The following AGO1 variants were observed in gnomAD, a reference collection of about 807,000 sequenced individuals.
AGO1 encodes argonaute RISC component 1.
Under a neutral mutation model 109.2 loss-of-function variants are expected in AGO1, and 11 were observed. The observed-to-expected ratio is 0.10, with a 90% CI of 0.06 to 0.17. The LOEUF (loss-of-function observed/expected upper bound fraction) is 0.17, where lower values mean the gene tolerates loss of function less well. AGO1 is among the 10% of genes least tolerant of loss of function. The probability of loss-of-function intolerance (pLI) is 1.00; values close to 1 mark genes in which losing one functional copy is unlikely to be tolerated. For missense variants in AGO1, 574 were observed against 1,140.3 expected (o/e 0.50, Z 7.15); for synonymous variants, 422 against 418.6 (o/e 1.01, Z -0.10).
At position 35,888,200 on chromosome 1, in the gene AGO1, G is replaced by A. The variant is rs1002461077; in HGVS notation, c.26-227G>A. Among the ~76,000 whole-genome samples the A allele has an allele frequency of 6.6e-6, 1 of 152,160 alleles. No homozygotes were observed. The highest frequency in any genetic ancestry group is 1.5e-5 in the Non-Finnish European group (1 of 68,032). On this transcript the variant is annotated intron_variant, in intron 1 of 18. Coordinates refer to ENST00000373204, the MANE Select transcript of AGO1 (RefSeq NM_012199.5). The surrounding 1 kb of genome is among the most constrained non-coding windows in gnomAD (Gnocchi z 4.1). The stretch of plus-strand genomic sequence containing the variant: ...ATATTAACTTAATGAATTAAAAATA[G>A]ACAATAAGGATAATTTTCCTAACTG...
chr1:35,887,525 G>C (rs182954499), intron 1 of AGO1, among the ~76,000 whole-genome samples: 5 of 152,142 alleles, frequency 3.3e-5, no homozygotes, highest in Non-Finnish European at 1.5e-5. Flanking sequence ...TTCTGCTGCT[G>C]TCTGGACCTT....
At chr1:35,889,755 CT>C (rs1645184049) in intron 2 of AGO1, among the ~76,000 whole-genome samples, 1 of 152,118 alleles carries the variant, frequency 6.6e-6, no homozygotes, top group South Asian at 2.1e-4. Context: ...CACCCTCTGC[CT>C]CCTAGGTTCA....
chr1:35,898,237 T>C (rs1645352910), intron 8 of AGO1, among the ~76,000 whole-genome samples: 1 of 152,112 alleles, frequency 6.6e-6, no homozygotes, highest in African/African-American at 2.4e-5. Context: ...AAGAGTGATA[T>C]AATATATAAC....
rs1291927465 is a variant in AGO1 at position 35,929,627 on chromosome 1, C to T, written c.*10020C>T. 6.6e-6 allele frequency: 1 copy of T among 152,140 alleles called. No individual in the cohort carries two copies. Among genetic ancestry groups the T allele is most frequent in the East Asian group, 1.9e-4 (1 of 5,204 alleles). The allele number at this position is 152,140 out of a possible 1,614,324, so 9.4% of individuals were successfully genotyped here. On this transcript the variant is annotated 3_prime_UTR_variant, in exon 19 of 19. Transcript: ENST00000373204. ...TAAGATGCAGTGTTTCATCTGGTGA[C>T]ATTTAATTTGATATTTTAAAATTGG... is the stretch of plus-strand genomic sequence containing the variant.
At chr1:35,907,655 TAA>T (rs879669735) in intron 12 of AGO1, among the ~76,000 whole-genome samples, 9 of 152,182 alleles carry the variant, frequency 5.9e-5, no homozygotes, top group Non-Finnish European at 1.0e-4. Flanking sequence ...TTCAAAGCAA[TAA>T]GAGTTTTTCT....
chr1:35,887,173 A>G (rs936272825), intron 1 of AGO1, among the ~76,000 whole-genome samples: 16 of 152,120 alleles, frequency 1.1e-4, no homozygotes, highest in African/African-American at 3.9e-4. Flanking sequence ...AGGGAAACAG[A>G]GCAGCTTAGC....
At position 35,925,526 on chromosome 1, in the gene AGO1, T is replaced by A. The variant is rs1645910251; in HGVS notation, c.*5919T>A. On this transcript the variant is annotated 3_prime_UTR_variant, in exon 19 of 19. Transcript: ENST00000373204. ...CCTAGGAGCAGAAGCTATATTCTCT[T>A]CATTTTTGTCATCTCAGGGTCATGG... The A allele has an allele frequency of 6.6e-6, 1 of 151,162 alleles. No individual in the cohort carries two copies. The highest frequency in any genetic ancestry group is 2.4e-5 in the African/African-American group (1 of 41,036). The allele number at this position is 151,162 out of a possible 1,614,324, so 9.4% of individuals were successfully genotyped here. A position where few individuals can be genotyped will look rare whatever the true frequency, so the allele number is the denominator to read the frequency against.
rs1354127015 is a variant in AGO1, at chr1:35,921,524, A to T, written c.*1917A>T. ...TCTATCCTGATCTGGTGATGAAGCCATGATTACTTTAGACCTAGCCCAGGC... is the reference window on the plus strand; with the variant it reads ...TCTATCCTGATCTGGTGATGAAGCCTTGATTACTTTAGACCTAGCCCAGGC... On this transcript the variant is annotated 3_prime_UTR_variant, in exon 19 of 19. Transcript: ENST00000373204. 1.3e-5 allele frequency: 2 copies of T among 152,644 alleles called. No homozygotes were observed. Among genetic ancestry groups the T allele is most frequent in the African/African-American group, 2.4e-5 (1 of 41,432 alleles). The allele number at this position is 152,644 out of a possible 1,614,324, so 9.5% of individuals were successfully genotyped here.
At chr1:35,911,079 A>T (rs1645624559) in intron 12 of AGO1, among the ~76,000 whole-genome samples, 1 of 152,048 alleles carries the variant, frequency 6.6e-6, no homozygotes, top group South Asian at 2.1e-4. Flanking sequence ...AGAAAAAAAA[A>T]ATAATAATAA....
In AGO1 at chr1:35,871,006, A is replaced by G. The variant is rs981533441; in HGVS notation, c.-201+1103A>G. ...ATGGATGGATTTAGTGTAGTTTTCA[A>G]TATTTTGCTATTACAAACAGTGCTG... On this transcript the variant is annotated intron_variant, in intron 1 of 18. Transcript: ENST00000373206. Among the ~76,000 whole-genome samples the G allele has an allele frequency of 1.1e-4, 17 of 152,296 alleles. No individual in the cohort carries two copies. The East Asian group carries it at 3.1e-3, about 28-fold the overall frequency.
rs1571348815 is a variant in AGO1, at chr1:35,893,863, T to C, written c.649+53T>C. 1 of 1,578,174 alleles carries C rather than the reference T, an allele frequency of 6.3e-7. No homozygotes were observed. Among genetic ancestry groups the C allele is most frequent in the South Asian group, 1.2e-5 (1 of 86,020 alleles). On this transcript the variant is annotated intron_variant, in intron 5 of 18. Coordinates refer to ENST00000373204, the MANE Select transcript of AGO1 (RefSeq NM_012199.5). This position sits in a 1 kb window ranked among gnomAD's most constrained non-coding sequence, Gnocchi z 5.6. Reference sequence around the variant, plus strand: ...GGCACCCCAAGTCCAGTGACCACACTCCCAGCCTCATCCCTCCCAGCTCTG... The same window carrying C: ...GGCACCCCAAGTCCAGTGACCACACCCCCAGCCTCATCCCTCCCAGCTCTG...
chr1:35,893,650 C>T lies in AGO1; in HGVS notation c.513-24C>T. 6.3e-7 allele frequency: 1 copy of T among 1,594,926 alleles called. No individual in the cohort carries two copies. On this transcript the variant is annotated intron_variant, in intron 4 of 18. Transcript: ENST00000373204. This position sits in a 1 kb window ranked among gnomAD's most constrained non-coding sequence, Gnocchi z 5.6. ...GGGTGGGGGCCTGTGCCCGAGGGAC[C>T]AGTTCTCTGCCTGTCCCTGCCAGGT... is the stretch of plus-strand genomic sequence containing the variant.
intron 12 of AGO1, among the ~76,000 whole-genome samples, chr1:35,908,038 T>C (rs573492189): frequency 1.3e-5 from 2 of 152,338 alleles, no homozygotes; most frequent in East Asian, 3.9e-4. Flanking sequence ...AAGGATTTCT[T>C]GAGCCCAAGA....
In AGO1 at chr1:35,928,177, C is replaced by G. The variant is rs895417653; in HGVS notation, c.*8570C>G. 6.6e-6 allele frequency: 1 copy of G among 152,240 alleles called. No homozygotes were observed. Among genetic ancestry groups the G allele is most frequent in the Non-Finnish European group, 1.5e-5 (1 of 68,056 alleles). 9.4% of individuals were successfully genotyped at this position (152,240 alleles called of 1,614,324 possible). A position where few individuals can be genotyped will look rare whatever the true frequency, so the allele number is the denominator to read the frequency against. ...GCAGCTGGCCACTCTGTCTTTCCTGCATGCACTGAGTATTTGGTAGCTCAT... is the reference window on the plus strand; with the variant it reads ...GCAGCTGGCCACTCTGTCTTTCCTGGATGCACTGAGTATTTGGTAGCTCAT... On this transcript the variant is annotated 3_prime_UTR_variant, in exon 19 of 19. Transcript: ENST00000373204.
intron 2 of AGO1, among the ~76,000 whole-genome samples, chr1:35,891,656 T>C (rs892718601): frequency 6.6e-6 from 1 of 151,612 alleles, no homozygotes; most frequent in Non-Finnish European, 1.5e-5. Context: ...CCTCTGCCTC[T>C]CAGGCTCAAG....
At chr1:35,918,867 C>T (rs1048035307) in intron 17 of AGO1, among the ~76,000 whole-genome samples, 188 bp from the exon 18 acceptor site, 3 of 152,132 alleles carry the variant, frequency 2.0e-5, no homozygotes, top group East Asian at 3.9e-4. Flanking sequence ...GGACTGCTGT[C>T]GTAATAAGCC....
chr1:35,918,379 C>T lies in AGO1; in HGVS notation c.2221C>T (p.Pro741Ser). The T allele has an allele frequency of 6.2e-7, 1 of 1,614,146 alleles. No individual in the cohort carries two copies. Among genetic ancestry groups the T allele is most frequent in the Non-Finnish European group, 8.5e-7 (1 of 1,180,028 alleles). Residue 741 changes from proline (P) to serine (S), a missense_variant, in exon 17 of 19, where the codon CCA becomes TCA. Transcript: ENST00000373204. Reference sequence around the variant, plus strand: ...CACAGTGGACACCAACATCACCCACCCATTTGAGTTTGACTTCTATCTGTG... The same window carrying T: ...CACAGTGGACACCAACATCACCCACTCATTTGAGTTTGACTTCTATCTGTG... ...GTTVDTNITH[P>S]FEFDFYLCSH...
intron 12 of AGO1, among the ~76,000 whole-genome samples, chr1:35,909,957 C>T (rs544764447): frequency 1.1e-4 from 16 of 152,052 alleles, no homozygotes; most frequent in African/African-American, 3.4e-4. Context: ...CAGCATGCTT[C>T]GGAAAGGCAG....
chr1:35,883,222 C>A lies in AGO1; in HGVS notation c.-200C>A. 2.5e-6 allele frequency: 3 copies of A among 1,220,764 alleles called. No individual in the cohort carries two copies. Among genetic ancestry groups the A allele is most frequent in the Non-Finnish European group, 3.1e-6 (3 of 976,936 alleles). The allele number at this position is 1,220,764 out of a possible 1,614,324, so 75.6% of individuals were successfully genotyped here. A position where few individuals can be genotyped will look rare whatever the true frequency, so the allele number is the denominator to read the frequency against. Reference sequence around the variant, plus strand: ...TCGCGCCTGCGCACTGGCAGCTGGCCGGGCGCTCGCAGTGGGAGCTGCTGC... The same window carrying A: ...TCGCGCCTGCGCACTGGCAGCTGGCAGGGCGCTCGCAGTGGGAGCTGCTGC... On this transcript the variant is annotated 5_prime_UTR_variant, in exon 1 of 19. Coordinates refer to ENST00000373204, the MANE Select transcript of AGO1 (RefSeq NM_012199.5). This position sits in a 1 kb window ranked among gnomAD's most constrained non-coding sequence, Gnocchi z 5.4.
Sources: gnomAD v4.1 joint callset for allele counts (sites outside exome capture counted in the v4.1 genomes callset) on GRCh38, gnomAD v4.1.1 for gene constraint, Gnocchi (gnomAD v3.1) non-coding constraint, MANE v1.5 for transcripts, NCBI Gene and HGNC (gene_info 2026-07-23, HGNC 2026-07-21) for gene names.